KAZN: variants seen among roughly 807,000 people sequenced by gnomAD.
KAZN encodes kazrin, periplakin interacting protein.
Under a neutral mutation model 87.4 loss-of-function variants are expected in KAZN, and 40 were observed. The observed-to-expected ratio is 0.46, with a 90% CI of 0.36 to 0.60. The LOEUF (loss-of-function observed/expected upper bound fraction) is 0.60, where lower values mean the gene tolerates loss of function less well. Ranked by LOEUF, KAZN falls within the 20% of genes least tolerant of loss-of-function variation. The pLI, the probability that KAZN is intolerant of heterozygous loss-of-function variation, is 0.00. For synonymous variants in KAZN, 466 were observed against 458.3 expected (o/e 1.02, Z -0.22); for missense variants, 898 against 1,073.9 (o/e 0.84, Z 2.29).
At chr1:14,934,022 T>C (rs373993719) in intron 1 of KAZN, among the ~76,000 whole-genome samples, 1 of 150,120 alleles carries the variant, frequency 6.7e-6, no homozygotes, top group Non-Finnish European at 1.5e-5. Flanking sequence ...CGCCTGGCTA[T>C]TTTTTTGTAT....
At chr1:14,346,369 T>C (rs1658108789) in intron 2 of KAZN, among the ~76,000 whole-genome samples, 1 of 152,182 alleles carries the variant, frequency 6.6e-6, no homozygotes, top group South Asian at 2.1e-4. Flanking sequence ...GACTCATAGC[T>C]GGGGACAGAA....
In KAZN at chr1:14,487,855, G is replaced by A. The variant is rs370327184; in HGVS notation, c.250-111128G>A. On this transcript the variant is annotated intron_variant, in intron 2 of 16. Coordinates refer to the KAZN transcript ENST00000636203. ...CATTTGTGGCTTGCAGATCTGGGTA[G>A]ATAGTGCTGCCTCACCAGGAAAGGA... is the stretch of plus-strand genomic sequence containing the variant. Among the ~76,000 whole-genome samples, 55 of 152,334 alleles carry A rather than the reference G, an allele frequency of 3.6e-4. No individual in the cohort carries two copies. The South Asian group carries it at 0.011, about 29-fold the overall frequency.
chr1:14,867,729 C>A (rs1651643319), intron 1 of KAZN, among the ~76,000 whole-genome samples: 2 of 118,716 alleles, frequency 1.7e-5, no homozygotes, highest in Admixed American at 8.5e-5. Context: ...AAGACACCCC[C>A]CCCCCCACCC....
chr1:14,273,815 G>A (rs1422369350), intron 2 of KAZN, among the ~76,000 whole-genome samples: 1 of 145,908 alleles, frequency 6.9e-6, no homozygotes, highest in Non-Finnish European at 1.5e-5. Flanking sequence ...CTTTCTCAAA[G>A]TCTGAAAGCT....
rs1257849094 is a variant in KAZN, at chr1:15,096,491, C to T, written c.1547+1558C>T. 6.6e-6 allele frequency among the ~76,000 whole-genome samples: 1 copy of T among 152,248 alleles called. No individual in the cohort carries two copies. The highest frequency in any genetic ancestry group is 1.5e-5 in the Non-Finnish European group (1 of 68,050). On this transcript the variant is annotated intron_variant, in intron 10 of 14. Transcript: ENST00000376030. This position sits in a 1 kb window ranked among gnomAD's most constrained non-coding sequence, Gnocchi z 4.5. ...TGCCCCCGACAGCCTCGTCCCCCAG[C>T]ATGGCCTGCACTTGTGTGTTGCACA...
chr1:14,382,200 T>C (rs6669659), intron 2 of KAZN, among the ~76,000 whole-genome samples: 51,192 of 152,056 alleles, frequency 0.34, 9,445 homozygotes, highest in East Asian at 0.73. Context: ...TTTTCAAGGA[T>C]TGGAACAATC....
chr1:13,923,586 A>AG (rs1327531508), intron 1 of KAZN, among the ~76,000 whole-genome samples: 3 of 148,474 alleles, frequency 2.0e-5, no homozygotes, highest in East Asian at 2.0e-4. Flanking sequence ...AAAAAAAAAA[A>AG]AAAAAATATA....
chr1:14,670,906 G>C (rs1304232548), intron 1 of KAZN, among the ~76,000 whole-genome samples: 1 of 152,200 alleles, frequency 6.6e-6, no homozygotes, highest in Non-Finnish European at 1.5e-5. Context: ...GACAATGTCT[G>C]AAAACATTTT....
chr1:14,656,137 C>T (rs919910137), intron 1 of KAZN, among the ~76,000 whole-genome samples: 1 of 152,096 alleles, frequency 6.6e-6, no homozygotes, highest in Non-Finnish European at 1.5e-5. Flanking sequence ...GGGATGACCA[C>T]TCCCAGATTC....
chr1:14,343,734 C>T (rs971367291), intron 2 of KAZN, among the ~76,000 whole-genome samples: 1 of 152,160 alleles, frequency 6.6e-6, no homozygotes, highest in Non-Finnish European at 1.5e-5. Context: ...TTTTTAAAAT[C>T]TCCCTTTCAA....
chr1:15,004,934 C>G (rs1668852426), intron 2 of KAZN, among the ~76,000 whole-genome samples: 1 of 152,132 alleles, frequency 6.6e-6, no homozygotes, highest in Non-Finnish European at 1.5e-5. Context: ...AACCAGGCAC[C>G]TGAGAATCGA....
At chr1:14,836,319 C>T (rs570902699) in intron 1 of KAZN, among the ~76,000 whole-genome samples, 2 of 152,306 alleles carry the variant, frequency 1.3e-5, no homozygotes, top group East Asian at 1.9e-4. Context: ...TAAGCCTGAA[C>T]TCAAAGCCGC....
chr1:14,140,061 A>G (rs1645203133), intron 1 of KAZN, among the ~76,000 whole-genome samples: 1 of 152,046 alleles, frequency 6.6e-6, no homozygotes, highest in African/African-American at 2.4e-5. Context: ...AAAGTCTTCA[A>G]AAATGAGTCT....
intron 1 of KAZN, among the ~76,000 whole-genome samples, chr1:14,160,989 C>A (rs1645697817): frequency 6.6e-6 from 1 of 152,218 alleles, no homozygotes; most frequent in Non-Finnish European, 1.5e-5. Flanking sequence ...ATCCTTCAAG[C>A]ACAGAAGTGC....
At chr1:14,244,438 G>C (rs1298463435) in intron 2 of KAZN, among the ~76,000 whole-genome samples, 2 of 152,180 alleles carry the variant, frequency 1.3e-5, no homozygotes, top group African/African-American at 2.4e-5. Context: ...TGGTTCATTT[G>C]TTCAGTAATT....
intron 1 of KAZN, among the ~76,000 whole-genome samples, chr1:13,936,586 C>T (rs911040464): frequency 6.6e-6 from 1 of 152,098 alleles, no homozygotes; most frequent in African/African-American, 2.4e-5. Context: ...TCCATGTGTA[C>T]CCATTGTTTA....
At chr1:14,920,111 A>G (rs1195506036) in intron 1 of KAZN, among the ~76,000 whole-genome samples, 2 of 152,146 alleles carry the variant, frequency 1.3e-5, no homozygotes, top group African/African-American at 4.8e-5. Flanking sequence ...AACTTTAAGC[A>G]GACACCAAAC....
intron 1 of KAZN, among the ~76,000 whole-genome samples, chr1:14,639,782 A>AT (rs1380100218): frequency 6.6e-6 from 1 of 151,776 alleles, no homozygotes; most frequent in Non-Finnish European, 1.5e-5. Context: ...ATCTCTTTTG[A>AT]TTTTTTTAGC....
At chr1:14,284,601 T>C (rs1449746547) in intron 2 of KAZN, among the ~76,000 whole-genome samples, 3 of 152,176 alleles carry the variant, frequency 2.0e-5, no homozygotes, top group Admixed American at 1.3e-4. Context: ...TAAGGGAAAC[T>C]GTTTGCAGGA....
Sources: allele counts gnomAD v4.1 joint callset (sites outside exome capture counted in the v4.1 genomes callset), GRCh38; gene constraint gnomAD v4.1.1; non-coding constraint Gnocchi (gnomAD v3.1); transcripts MANE v1.5; gene names NCBI Gene and HGNC (gene_info 2026-07-23, HGNC 2026-07-21).